The following WWOX variants were observed in gnomAD, a reference collection of about 807,000 sequenced individuals.
WWOX encodes the protein WW domain containing oxidoreductase, also known as WW domain-containing oxidoreductase.
A neutral mutation model predicts 46.2 loss-of-function variants in WWOX; 69 were observed. That is an observed-to-expected ratio of 1.49 (90% confidence interval 1.23 to 1.82). The LOEUF is 1.82. Ranked by LOEUF, WWOX falls within the 40% of genes most tolerant of loss-of-function variation. WWOX has a pLI of 0.00. For synonymous variants in WWOX, 359 were observed against 202.6 expected, an observed-to-expected ratio of 1.77 and a Z score of -6.56; for missense variants, 919 against 542.6, an observed-to-expected ratio of 1.69 and a Z score of -6.89.
chr16:79,105,436 G>A (rs1470398439), intron 8 of WWOX, among the ~76,000 whole-genome samples: 2 of 151,904 alleles, frequency 1.3e-5, no homozygotes. Flanking sequence ...CCTTATCCCT[G>A]TCCCTGTCTA....
Position 79,188,794 on chromosome 16 carries a change from G to A in WWOX, c.1057-22814G>A, listed in dbSNP as rs538484919. Reference sequence around the variant, plus strand: ...ATTCTTCCCTACAGACAACGGTGGGGTTCAGTGTTTGCTTTTCCTGGGGCT... The same window carrying A: ...ATTCTTCCCTACAGACAACGGTGGGATTCAGTGTTTGCTTTTCCTGGGGCT... On this transcript the variant is annotated intron_variant, in intron 8 of 8. Coordinates refer to ENST00000566780, the MANE Select transcript of WWOX (RefSeq NM_016373.4). Among the ~76,000 whole-genome samples the A allele has an allele frequency of 4.6e-5, 7 of 152,274 alleles. No homozygotes were observed. In the East Asian group the frequency reaches 1.4e-3, roughly 29 times the overall value.
intron 8 of WWOX, chr16:79,089,921 A>C (rs536539850): frequency 6.6e-6 from 1 of 151,206 alleles, no homozygotes; most frequent in South Asian, 2.1e-4. Flanking sequence ...TGAAAAACCC[A>C]ACTGCGAAAA....
chr16:78,802,932 A>C (rs1326730197), intron 8 of WWOX, among the ~76,000 whole-genome samples: 1 of 101,448 alleles, frequency 9.9e-6, no homozygotes, highest in Non-Finnish European at 2.0e-5. Context: ...AAAAAAAAAA[A>C]AAAAAAAAAA....
chr16:78,261,772 GTATCTATCTATCTATCTATA>G (rs1322298009), intron 5 of WWOX, among the ~76,000 whole-genome samples: 14 of 129,992 alleles, frequency 1.1e-4, no homozygotes, highest in Non-Finnish European at 2.3e-4. Context: ...ATCTATCTAT[GTATCTATCTATCTATCTATA>G]TATATATATA....
chr16:78,804,319 A>C (rs1203608386), intron 8 of WWOX, among the ~76,000 whole-genome samples: 1 of 151,168 alleles, frequency 6.6e-6, no homozygotes, highest in East Asian at 1.9e-4. Context: ...GCCATTGAAA[A>C]CTCATTACAA....
In WWOX at chr16:78,723,078, AGTACCTGG is replaced by A. The variant is rs570736068; in HGVS notation, c.1056+290327_1056+290334del. Among the ~76,000 whole-genome samples the A allele has an allele frequency of 6.6e-5, 10 of 152,256 alleles. No homozygotes were observed. In the South Asian group the frequency reaches 1.9e-3, roughly 28 times the overall value. The stretch of plus-strand genomic sequence containing the variant: ...TGATGTGAGGAAGCCAGGAATGATG[AGTACCTGG>A]ATTAAACTACCTTAAGGCTGATTGA... On this transcript the variant is annotated intron_variant, in intron 8 of 8. Transcript: ENST00000566780.
intron 8 of WWOX, among the ~76,000 whole-genome samples, chr16:79,188,754 C>G (rs1372237231): frequency 2.6e-5 from 4 of 152,148 alleles, no homozygotes; most frequent in African/African-American, 9.7e-5. Context: ...TTTCCAAGTT[C>G]TCCTCGAAAT....
chr16:78,393,090 C>G (rs1015693177), intron 6 of WWOX, among the ~76,000 whole-genome samples: 4 of 152,170 alleles, frequency 2.6e-5, no homozygotes, highest in Admixed American at 6.5e-5. Context: ...TTTGTTTAAA[C>G]TGCATTCCTG....
chr16:78,570,879 A>G (rs539422770), intron 8 of WWOX, among the ~76,000 whole-genome samples: 1 of 152,322 alleles, frequency 6.6e-6, no homozygotes, highest in East Asian at 1.9e-4. Flanking sequence ...AGGTAAGGAC[A>G]GGGTTTCAAA....
At chr16:78,709,778 G>A (rs927737525) in intron 8 of WWOX, among the ~76,000 whole-genome samples, 2 of 151,286 alleles carry the variant, frequency 1.3e-5, no homozygotes, top group African/African-American at 4.9e-5. Context: ...ACCCACGCTG[G>A]AGTGCAGTGG....
intron 5 of WWOX, among the ~76,000 whole-genome samples, chr16:78,308,347 C>T (rs905897910): frequency 7.2e-5 from 11 of 152,148 alleles, no homozygotes; most frequent in Admixed American, 6.6e-5. Context: ...CTAGTTCAGG[C>T]AGTGATGGGA....
intron 5 of WWOX, among the ~76,000 whole-genome samples, chr16:78,353,124 G>A (rs1017853022): frequency 1.3e-5 from 2 of 152,066 alleles, no homozygotes; most frequent in African/African-American, 4.8e-5. Flanking sequence ...TCTATTTGTG[G>A]TCCAGCCAGC....
intron 5 of WWOX, among the ~76,000 whole-genome samples, chr16:78,312,008 C>T (rs2080253903): frequency 6.6e-6 from 1 of 152,170 alleles, no homozygotes; most frequent in South Asian, 2.1e-4. Context: ...TGCCCATGTT[C>T]CTCGATCCAT....
chr16:78,856,094 G>A (rs185822042), intron 8 of WWOX, among the ~76,000 whole-genome samples: 11 of 152,316 alleles, frequency 7.2e-5, no homozygotes, highest in Admixed American at 6.5e-4. Context: ...ATCCAGGGAG[G>A]ATGTTTCTGG....
At chr16:78,915,940 C>CA (rs1336836502) in intron 8 of WWOX, among the ~76,000 whole-genome samples, 1 of 152,210 alleles carries the variant, frequency 6.6e-6, no homozygotes, top group African/African-American at 2.4e-5. Flanking sequence ...ACCCCAAGCT[C>CA]AATCAATGCC....
intron 8 of WWOX, among the ~76,000 whole-genome samples, chr16:79,035,719 A>G (rs2047853055): frequency 6.6e-6 from 1 of 151,852 alleles, no homozygotes; most frequent in Non-Finnish European, 1.5e-5. Context: ...TTGTATTTTT[A>G]GTAGGGACGG....
intron 8 of WWOX, among the ~76,000 whole-genome samples, chr16:79,052,590 A>G (rs995151306): frequency 6.6e-6 from 1 of 152,224 alleles, no homozygotes; most frequent in Non-Finnish European, 1.5e-5. Flanking sequence ...TCTTTTAAAA[A>G]GTTCTAAGTT....
intron 8 of WWOX, among the ~76,000 whole-genome samples, chr16:78,953,623 GT>G (rs1162816022): frequency 2.6e-5 from 4 of 152,184 alleles, no homozygotes; most frequent in Admixed American, 6.5e-5. Flanking sequence ...GCTCAGCCCA[GT>G]GGGTACCGTA....
In WWOX at chr16:78,424,965, T is replaced by G. The variant is rs1462504812; in HGVS notation, c.701T>G (p.Leu234Arg). Reference sequence around the variant, plus strand: ...GAGACCACCTTTCAAGTGAATCATCTGGGGCACTTCTACCTTGTCCAGCTC... The same window carrying G: ...GAGACCACCTTTCAAGTGAATCATCGGGGGCACTTCTACCTTGTCCAGCTC... ...GLETTFQVNH[L>R]GHFYLVQLLQ... Residue 234 changes from leucine to arginine, a missense_variant, in exon 7 of 9, where the codon CTG (leucine) becomes CGG (arginine). By Grantham distance (102) the Leu-to-Arg change is moderately radical. Coordinates refer to ENST00000566780, the MANE Select transcript of WWOX (RefSeq NM_016373.4). 6.2e-7 allele frequency: 1 copy of G among 1,614,168 alleles called. No homozygotes were observed. Among genetic ancestry groups the G allele is most frequent in the Admixed American group, 1.7e-5 (1 of 60,030 alleles).
Sources: allele counts gnomAD v4.1 joint callset (sites outside exome capture counted in the v4.1 genomes callset), GRCh38; gene constraint gnomAD v4.1.1; transcripts MANE v1.5; gene names NCBI Gene and HGNC (gene_info 2026-07-23, HGNC 2026-07-21).